The following GRIK1 variants were observed in gnomAD, a reference collection of about 807,000 sequenced individuals.
GRIK1 encodes the protein glutamate receptor ionotropic, kainate 1.
GRIK1 carries 69 observed loss-of-function variants against 105.7 expected under a neutral mutation model. That is an observed-to-expected ratio of 0.65 (90% CI 0.54 to 0.80). The LOEUF is 0.80. Among genes scored for constraint, GRIK1 ranks in the 30% least tolerant of loss-of-function variants. GRIK1 has a pLI of 0.00. For synonymous variants in GRIK1, 438 were observed against 431.3 expected (o/e 1.02, Z -0.19); for missense variants, 1,109 against 1,167.3 (o/e 0.95, Z 0.73).
intron 1 of GRIK1, among the ~76,000 whole-genome samples, chr21:29,746,960 A>G (rs979402577): frequency 1.3e-5 from 2 of 152,230 alleles, no homozygotes; most frequent in Admixed American, 1.3e-4. Context: ...ATCAGATTAA[A>G]GGTCTATTTT....
intron 1 of GRIK1, among the ~76,000 whole-genome samples, chr21:29,695,993 C>A (rs1431353734): frequency 6.6e-6 from 1 of 152,182 alleles, no homozygotes; most frequent in Non-Finnish European, 1.5e-5. Context: ...AGAAAGGGAA[C>A]TCCAATGGAC....
chr21:29,918,488 C>A (rs1602046900), intron 1 of GRIK1, among the ~76,000 whole-genome samples: 1 of 152,044 alleles, frequency 6.6e-6, no homozygotes, highest in Non-Finnish European at 1.5e-5. Flanking sequence ...TGTTCATAAT[C>A]AGGCTCTTGA....
In GRIK1 at chr21:29,812,425, T is replaced by G. The variant is rs959570415; in HGVS notation, c.119-118362A>C. Among the ~76,000 whole-genome samples the G allele has an allele frequency of 2.6e-5, 4 of 152,154 alleles. 1 individual carries two copies. Among genetic ancestry groups the G allele is most frequent in the African/African-American group, 9.6e-5 (4 of 41,456 alleles). On this transcript the variant is annotated intron_variant, in intron 1 of 17. Coordinates refer to ENST00000327783, the MANE Select transcript of GRIK1 (RefSeq NM_001330994.2). ...GGCAGTAATAGCAGAAGAATATCCT[T>G]GAATCCTTTGCCATTTGTTCTTTTT...
intron 6 of GRIK1, among the ~76,000 whole-genome samples, chr21:29,646,261 A>G (rs1208706644): frequency 6.6e-6 from 1 of 152,160 alleles, no homozygotes; most frequent in Non-Finnish European, 1.5e-5. Flanking sequence ...CATCATCCCA[A>G]TAAAAAACCT....
chr21:29,799,784 C>T (rs910978110), intron 1 of GRIK1, among the ~76,000 whole-genome samples: 1 of 152,132 alleles, frequency 6.6e-6, no homozygotes, highest in South Asian at 2.1e-4. Flanking sequence ...CCTGCCTTAG[C>T]CTCCCTCCCA....
chr21:29,654,768 G>T (rs368649781), intron 5 of GRIK1, 42 bp downstream of exon 5: 3 of 1,125,130 alleles, frequency 2.7e-6, no homozygotes, highest in African/African-American at 1.5e-5. Context: ...GTGTGAAGAC[G>T]TTTCCTACCA....
chr21:29,618,912 G>A (rs568874260), intron 7 of GRIK1, among the ~76,000 whole-genome samples: 41 of 152,164 alleles, frequency 2.7e-4, no homozygotes, highest in African/African-American at 9.6e-4. Context: ...CAGATCACGA[G>A]GTCAGGAGAT....
chr21:29,817,489 C>T (rs2067185449), intron 1 of GRIK1, among the ~76,000 whole-genome samples: 1 of 152,092 alleles, frequency 6.6e-6, no homozygotes, highest in Non-Finnish European at 1.5e-5. Flanking sequence ...ACATACTTTA[C>T]TGTTTCAATA....
chr21:29,922,717 G>T (rs912670268), intron 1 of GRIK1, among the ~76,000 whole-genome samples: 4 of 152,128 alleles, frequency 2.6e-5, no homozygotes, highest in Non-Finnish European at 5.9e-5. Context: ...AATGACTAAA[G>T]TTCAAACTTA....
intron 1 of GRIK1, among the ~76,000 whole-genome samples, chr21:29,912,032 C>A (rs1046226735): frequency 5.3e-5 from 8 of 152,022 alleles, no homozygotes; most frequent in African/African-American, 1.9e-4. Context: ...AAGAAATACA[C>A]ATACACACAA....
At chr21:29,849,714 G>C (rs963551591) in intron 1 of GRIK1, among the ~76,000 whole-genome samples, 4 of 152,318 alleles carry the variant, frequency 2.6e-5, no homozygotes, top group South Asian at 2.1e-4. Flanking sequence ...CCTCTAATGA[G>C]AGAGTGTGCC....
intron 3 of GRIK1, among the ~76,000 whole-genome samples, chr21:29,675,585 A>G (rs559728152): frequency 3.4e-4 from 52 of 152,194 alleles, no homozygotes; most frequent in African/African-American, 1.2e-3. Flanking sequence ...ATTTATTTTT[A>G]TGGGAAAACA....
chr21:29,921,030 T>A (rs2071174309), intron 1 of GRIK1, among the ~76,000 whole-genome samples: 1 of 152,092 alleles, frequency 6.6e-6, no homozygotes, highest in African/African-American at 2.4e-5. Flanking sequence ...AAATTCAACC[T>A]CAGCACTGTT....
At chr21:29,803,618 G>GCA (rs2066774099) in intron 1 of GRIK1, among the ~76,000 whole-genome samples, 1 of 152,144 alleles carries the variant, frequency 6.6e-6, no homozygotes, top group African/African-American at 2.4e-5. Flanking sequence ...GGCCCCATGT[G>GCA]CACTCTGAAG....
chr21:29,570,210 T>C (rs940129622), intron 14 of GRIK1, among the ~76,000 whole-genome samples: 1 of 152,072 alleles, frequency 6.6e-6, no homozygotes, highest in Non-Finnish European at 1.5e-5. Flanking sequence ...TATTAAAAAT[T>C]CTCTTAAATA....
chr21:29,624,569 G>T (rs986554933), intron 7 of GRIK1, among the ~76,000 whole-genome samples: 5 of 152,134 alleles, frequency 3.3e-5, no homozygotes, highest in African/African-American at 4.8e-5. Flanking sequence ...TATAACTTTT[G>T]TCAAAACCTG....
chr21:29,673,966 TA>T (rs2063209842), intron 3 of GRIK1, among the ~76,000 whole-genome samples: 2 of 152,186 alleles, frequency 1.3e-5, no homozygotes, highest in African/African-American at 4.8e-5. Flanking sequence ...AGCCGCTGTG[TA>T]AAAGGCTCCC....
At chr21:29,657,403 T>C (rs1266511255) in intron 4 of GRIK1, 1 of 152,216 alleles carries the variant, frequency 6.6e-6, no homozygotes, top group Non-Finnish European at 1.5e-5. Context: ...TGGAGGTAAA[T>C]ATTCATTTGA....
chr21:29,790,587 G>A (rs2066387021), intron 1 of GRIK1, among the ~76,000 whole-genome samples: 1 of 151,850 alleles, frequency 6.6e-6, no homozygotes, highest in Non-Finnish European at 1.5e-5. Flanking sequence ...TCCAAAGTGA[G>A]TGGGGCTACA....
Sources: allele counts gnomAD v4.1 joint callset (sites outside exome capture counted in the v4.1 genomes callset), GRCh38; gene constraint gnomAD v4.1.1; transcripts MANE v1.5; gene names NCBI Gene and HGNC (gene_info 2026-07-23, HGNC 2026-07-21).